The following P2RY12 variants were observed in gnomAD, a reference collection of about 807,000 sequenced individuals.
P2RY12 encodes P2Y purinoceptor 12.
Under a neutral mutation model 4.5 loss-of-function variants are expected in P2RY12, and 3 were observed. The ratio of observed to expected loss-of-function variants is 0.67; its 90% CI spans 0.31 to 1.74. The LOEUF (loss-of-function observed/expected upper bound fraction) is 1.74. P2RY12 is among the 40% of genes most tolerant of loss of function. P2RY12 has a pLI of 0.09. For synonymous variants in P2RY12, 148 were observed against 154.1 expected (o/e 0.96, Z 0.29); for missense variants, 356 against 407.8 (o/e 0.87, Z 1.09).
In P2RY12 at chr3:151,363,952, C is replaced by T. The variant is rs564211567; in HGVS notation, c.-180+20740G>A. Among the ~76,000 whole-genome samples, 5 of 152,054 alleles carry T rather than the reference C, an allele frequency of 3.3e-5. No individual in the cohort carries two copies. In the South Asian group the frequency reaches 6.2e-4, roughly 19 times the overall value. ...GAGAGTCTTTGTGACTTTTCATCTT[C>T]GAGGGACTCATTCCTGGCTGCCATT... On this transcript the variant is annotated intron_variant, in intron 1 of 2. Coordinates refer to ENST00000302632, the MANE Select transcript of P2RY12 (RefSeq NM_022788.5).
intron 1 of P2RY12, chr3:151,367,871 T>C: frequency 7.8e-7 from 1 of 1,288,168 alleles, no homozygotes; most frequent in Non-Finnish European, 1.1e-6. Context: ...GTATGTATAT[T>C]GGGAAGTGGT....
intron 1 of P2RY12, among the ~76,000 whole-genome samples, chr3:151,343,883 C>T (rs1368819146): frequency 6.6e-6 from 1 of 152,112 alleles, no homozygotes; most frequent in South Asian, 2.1e-4. Flanking sequence ...ATAATTATGA[C>T]ATTTGATAGC....
At chr3:151,354,032 T>G (rs1462691709) in intron 1 of P2RY12, among the ~76,000 whole-genome samples, 1 of 147,346 alleles carries the variant, frequency 6.8e-6, no homozygotes, top group African/African-American at 2.5e-5. Context: ...TCCCAGCTAC[T>G]TGGGAGGCTG....
intron 1 of P2RY12, among the ~76,000 whole-genome samples, chr3:151,356,885 G>A (rs1753995558): frequency 6.6e-6 from 1 of 152,018 alleles, no homozygotes; most frequent in South Asian, 2.1e-4. Flanking sequence ...GAAAAGAAAA[G>A]CCAAATAACT....
At chr3:151,372,861 C>T (rs1286560362) in intron 1 of P2RY12, 1 of 844,568 alleles carries the variant, frequency 1.2e-6, no homozygotes, top group South Asian at 2.0e-5. Flanking sequence ...ATAGGTGGGC[C>T]TTTTTTTCTT....
intron 1 of P2RY12, among the ~76,000 whole-genome samples, chr3:151,343,520 GACTAAAATCTTTAA>G (rs1377712994): frequency 2.0e-5 from 3 of 152,172 alleles, no homozygotes; most frequent in African/African-American, 7.2e-5. Context: ...TGCTGAAAGT[GACTAAAATCTTTAA>G]GTGAAAAGTA....
At chr3:151,383,516 A>C (rs1427972410) in intron 1 of P2RY12, among the ~76,000 whole-genome samples, 1 of 152,360 alleles carries the variant, frequency 6.6e-6, no homozygotes, top group Non-Finnish European at 1.5e-5. Context: ...TTGGAACAAA[A>C]GAAAGCTAAG....
chr3:151,370,356 A>T (rs1756020084), intron 1 of P2RY12, among the ~76,000 whole-genome samples: 1 of 152,152 alleles, frequency 6.6e-6, no homozygotes, highest in South Asian at 2.1e-4. Flanking sequence ...TACTGAGTGG[A>T]TAGGAATTGC....
Position 151,360,648 on chromosome 3 carries a change from T to C in P2RY12, c.-179-19888A>G, listed in dbSNP as rs1754493996. On this transcript the variant is annotated intron_variant, in intron 1 of 2. Transcript: ENST00000302632. ...AAAAGGACAGAAATAGGATCATGCCTATGTTTGTTAGTGACCCTGACAATA... is the reference window on the plus strand; with the variant it reads ...AAAAGGACAGAAATAGGATCATGCCCATGTTTGTTAGTGACCCTGACAATA... The C allele has an allele frequency of 2.6e-6, 4 of 1,559,558 alleles. No homozygotes were observed. The South Asian group carries it at 3.5e-5, about 14-fold the overall frequency.
At chr3:151,355,910 G>T (rs759632092) in intron 1 of P2RY12, 3 of 1,613,270 alleles carry the variant, frequency 1.9e-6, no homozygotes, top group South Asian at 1.1e-5. Flanking sequence ...CTAACAATGT[G>T]CTAGAACAAA....
chr3:151,356,989 G>A (rs1168822820), intron 1 of P2RY12, among the ~76,000 whole-genome samples: 1 of 152,078 alleles, frequency 6.6e-6, no homozygotes, highest in East Asian at 1.9e-4. Flanking sequence ...TGAAGTTTCA[G>A]TACCTTATTT....
At chr3:151,364,736 C>G (rs180962434) in intron 1 of P2RY12, among the ~76,000 whole-genome samples, 160 of 152,092 alleles carry the variant, frequency 1.1e-3, no homozygotes, top group African/African-American at 3.8e-3. Context: ...AGATTTATAA[C>G]CAAATACTTC....
intron 1 of P2RY12, among the ~76,000 whole-genome samples, chr3:151,362,544 C>G (rs1754741245): frequency 6.6e-6 from 1 of 152,008 alleles, no homozygotes; most frequent in Non-Finnish European, 1.5e-5. Context: ...AATAGCACCC[C>G]CATGTCATCA....
chr3:151,341,225 A>G (rs1042509417), intron 1 of P2RY12, among the ~76,000 whole-genome samples: 1 of 152,066 alleles, frequency 6.6e-6, no homozygotes, highest in Non-Finnish European at 1.5e-5. Flanking sequence ...TCCCTTGGTT[A>G]ATAATGTCAT....
At chr3:151,346,366 C>T (rs1446449437) in intron 1 of P2RY12, among the ~76,000 whole-genome samples, 3 of 152,152 alleles carry the variant, frequency 2.0e-5, no homozygotes, top group Admixed American at 6.5e-5. Flanking sequence ...ATCTTCATAA[C>T]GCTCTTTCCT....
At chr3:151,345,246 T>C (rs543861058) in intron 1 of P2RY12, among the ~76,000 whole-genome samples, 1 of 152,280 alleles carries the variant, frequency 6.6e-6, no homozygotes, top group South Asian at 2.1e-4. Context: ...TAGCCTGACG[T>C]CTCCTGTAAC....
chr3:151,381,921 G>A (rs1712427119), intron 1 of P2RY12, among the ~76,000 whole-genome samples: 1 of 152,172 alleles, frequency 6.6e-6, no homozygotes, highest in South Asian at 2.1e-4. Flanking sequence ...CTTTTAAGAT[G>A]ACTCTCATTA....
chr3:151,357,330 A>T (rs1384478749), intron 1 of P2RY12: 2 of 1,613,666 alleles, frequency 1.2e-6, no homozygotes, highest in East Asian at 2.2e-5. Context: ...GCGCTATCAC[A>T]GTTGTCTAAT....
intron 1 of P2RY12, chr3:151,367,675 A>G: frequency 6.2e-7 from 1 of 1,609,288 alleles, no homozygotes; most frequent in Non-Finnish European, 8.5e-7. Flanking sequence ...ATGATTCATT[A>G]GCTACTTTCA....
Sources: gnomAD v4.1 joint callset for allele counts (sites outside exome capture counted in the v4.1 genomes callset) on GRCh38, gnomAD v4.1.1 for gene constraint, MANE v1.5 for transcripts, NCBI Gene and HGNC (gene_info 2026-07-23, HGNC 2026-07-21) for gene names.